ADAM32: variants seen among roughly 807,000 people sequenced by gnomAD.
The protein encoded by ADAM32 is ADAM metallopeptidase domain 32, also known as disintegrin and metalloproteinase domain-containing protein 32.
ADAM32 carries 89 observed loss-of-function variants against 114.9 expected under a neutral mutation model. The ratio of observed to expected loss-of-function variants is 0.77; its 90% confidence interval spans 0.65 to 0.92. The LOEUF (loss-of-function observed/expected upper bound fraction) is 0.92, where lower values mean the gene tolerates loss of function less well. ADAM32 is among the 40% of genes least tolerant of loss of function. The pLI, the probability that ADAM32 is intolerant of heterozygous loss-of-function variation, is 0.00. For missense variants in ADAM32, 870 were observed against 932.8 expected (o/e 0.93, Z 0.88); for synonymous variants, 285 against 307.5 (o/e 0.93, Z 0.77).
intron 22 of ADAM32, among the ~76,000 whole-genome samples, chr8:39,279,949 A>G (rs1185597926): frequency 6.6e-6 from 1 of 152,134 alleles, no homozygotes; most frequent in Non-Finnish European, 1.5e-5. Flanking sequence ...AATGTTTTCC[A>G]TGCTTGCTCT....
At chr8:39,254,838 T>A (rs1225499819) in intron 18 of ADAM32, among the ~76,000 whole-genome samples, 1 of 151,870 alleles carries the variant, frequency 6.6e-6, no homozygotes, top group Non-Finnish European at 1.5e-5. Context: ...CTGTACCCAA[T>A]GTGTAGTCTT....
chr8:39,112,192 C>G (rs367795253), intron 1 of ADAM32, among the ~76,000 whole-genome samples: 6 of 152,066 alleles, frequency 3.9e-5, no homozygotes, highest in Non-Finnish European at 8.8e-5. Flanking sequence ...TCTCTAGACA[C>G]TTAGATATAA....
rs189216940 is a variant in ADAM32 at position 39,244,657 on chromosome 8, G to A, written c.1819-1426G>A. ...TTATACAAATATCAACTCAAGATGT[G>A]TCAAAGACCAGGAAGGGGAACATCA... On this transcript the variant is annotated intron_variant, in intron 16 of 24. Transcript: ENST00000379907. Among the ~76,000 whole-genome samples, 73 of 152,152 alleles carry A rather than the reference G, an allele frequency of 4.8e-4. 2 individuals carry two copies. In the East Asian group the frequency reaches 0.011, roughly 23 times the overall value.
intron 6 of ADAM32, chr8:39,157,444 C>T (rs1427398353): frequency 1.2e-5 from 4 of 320,482 alleles, no homozygotes; most frequent in Non-Finnish European, 1.2e-5. Flanking sequence ...TCCCACAGGT[C>T]TCTTAGGCTC....
chr8:39,188,633 A>G (rs1449068370), intron 11 of ADAM32, among the ~76,000 whole-genome samples: 1 of 152,160 alleles, frequency 6.6e-6, no homozygotes, highest in African/African-American at 2.4e-5. Context: ...TCTACAGGGC[A>G]GTTCCTATTA....
At chr8:39,230,164 A>G (rs1208350776) in intron 14 of ADAM32, among the ~76,000 whole-genome samples, 3 of 152,194 alleles carry the variant, frequency 2.0e-5, no homozygotes, top group Non-Finnish European at 4.4e-5. Flanking sequence ...TAATTACACC[A>G]TTTGGACTGT....
At chr8:39,240,385 G>A (rs1275600370) in intron 16 of ADAM32, among the ~76,000 whole-genome samples, 2 of 152,182 alleles carry the variant, frequency 1.3e-5, no homozygotes, top group Admixed American at 6.5e-5. Context: ...AATGATAATA[G>A]TGACACAACC....
At chr8:39,237,428 G>A (rs748666520) in intron 16 of ADAM32, among the ~76,000 whole-genome samples, 14 of 152,172 alleles carry the variant, frequency 9.2e-5, no homozygotes, top group Non-Finnish European at 1.6e-4. Flanking sequence ...GTAGAAGCAA[G>A]GCCTGAGAGC....
intron 2 of ADAM32, among the ~76,000 whole-genome samples, chr8:39,124,945 C>CTAA (rs1468198592): frequency 6.6e-6 from 1 of 152,194 alleles, no homozygotes; most frequent in Non-Finnish European, 1.5e-5. Flanking sequence ...AATGGTTGAA[C>CTAA]TAATTTACAT....
chr8:39,279,018 T>C (rs1215868231), intron 22 of ADAM32, among the ~76,000 whole-genome samples: 2 of 152,302 alleles, frequency 1.3e-5, no homozygotes, highest in East Asian at 1.9e-4. Context: ...CCTCAATTAA[T>C]GTGCTTTTTC....
At chr8:39,219,402 G>A (rs944746832) in intron 12 of ADAM32, among the ~76,000 whole-genome samples, 1 of 152,160 alleles carries the variant, frequency 6.6e-6, no homozygotes, top group South Asian at 2.1e-4. Context: ...CCAGCCCATG[G>A]TGGTGAGGCT....
intron 2 of ADAM32, among the ~76,000 whole-genome samples, chr8:39,119,596 A>G (rs1840511390): frequency 6.6e-6 from 1 of 152,098 alleles, no homozygotes; most frequent in Admixed American, 6.6e-5. Context: ...TTCATTATAT[A>G]TTCTGGACAC....
chr8:39,246,486 T>A (rs1810932669), intron 17 of ADAM32, among the ~76,000 whole-genome samples: 2 of 152,230 alleles, frequency 1.3e-5, no homozygotes, highest in African/African-American at 2.4e-5. Context: ...TGTCTGTGAA[T>A]ACACAGGGAT....
At chr8:39,232,948 G>T (rs988936873) in intron 15 of ADAM32, among the ~76,000 whole-genome samples, 4 of 152,136 alleles carry the variant, frequency 2.6e-5, no homozygotes, top group African/African-American at 7.2e-5. Context: ...TCCTTAGAGT[G>T]TAGGGGTTAC....
At chr8:39,187,950 T>C (rs753036956) in intron 11 of ADAM32, among the ~76,000 whole-genome samples, 16 of 152,346 alleles carry the variant, frequency 1.1e-4, no homozygotes, top group Non-Finnish European at 2.1e-4. Context: ...CCAGATGATA[T>C]ATCAGACAAG....
chr8:39,108,444 A>G (rs1403919568), intron 1 of ADAM32, among the ~76,000 whole-genome samples: 1 of 152,220 alleles, frequency 6.6e-6, no homozygotes, highest in Non-Finnish European at 1.5e-5. Flanking sequence ...TGCAGTCTAC[A>G]CTATTTTGTT....
At chr8:39,144,942 G>T (rs1803407425) in intron 3 of ADAM32, among the ~76,000 whole-genome samples, 1 of 152,080 alleles carries the variant, frequency 6.6e-6, no homozygotes, top group Non-Finnish European at 1.5e-5. Flanking sequence ...ACCAAAATTT[G>T]TTAGAACCAA....
At chr8:39,252,175 C>T (rs1477580403) in intron 17 of ADAM32, among the ~76,000 whole-genome samples, 1 of 151,542 alleles carries the variant, frequency 6.6e-6, no homozygotes, top group African/African-American at 2.4e-5. Context: ...GTTCTTTTTG[C>T]TCAGAATTGC....
intron 6 of ADAM32, among the ~76,000 whole-genome samples, chr8:39,159,348 G>T (rs1038360039): frequency 6.6e-6 from 1 of 152,198 alleles, no homozygotes; most frequent in African/African-American, 2.4e-5. Flanking sequence ...CTCTGGGTTT[G>T]GATATACATG....
Sources: gnomAD v4.1 joint callset for allele counts (sites outside exome capture counted in the v4.1 genomes callset) on GRCh38, gnomAD v4.1.1 for gene constraint, MANE v1.5 for transcripts, NCBI Gene and HGNC (gene_info 2026-07-23, HGNC 2026-07-21) for gene names.